The following DACH2 variants were observed in gnomAD, a reference collection of about 807,000 sequenced individuals.
DACH2 encodes the protein dachshund family transcription factor 2, also known as dachshund homolog 2.
In DACH2, 17 loss-of-function variants were observed where a neutral mutation model predicts 35.8. The ratio of observed to expected loss-of-function variants is 0.48; its 90% CI spans 0.33 to 0.71. The LOEUF (loss-of-function observed/expected upper bound fraction) is 0.71, where lower values mean the gene tolerates loss of function less well. Ranked by LOEUF, DACH2 falls within the 30% of genes least tolerant of loss-of-function variation. The pLI is 0.02. For synonymous variants in DACH2, 195 were observed against 177.3 expected, an observed-to-expected ratio of 1.10 and a Z score of -0.79; for missense variants, 469 against 472.7, an observed-to-expected ratio of 0.99 and a Z score of 0.07.
intron 1 of DACH2, among the ~76,000 whole-genome samples, chrX:86,193,620 C>A (rs1418770299): frequency 9.0e-6 from 1 of 111,493 alleles, no homozygotes; most frequent in African/African-American, 3.2e-5. Context: ...GGGCAAATAG[C>A]TGTTTTAGTT....
At chrX:86,309,930 G>T (rs1437584424) in intron 1 of DACH2, among the ~76,000 whole-genome samples, 6 of 112,302 alleles carry the variant, frequency 5.3e-5, no homozygotes, top group Non-Finnish European at 1.1e-4. Flanking sequence ...CAAGTTGTCT[G>T]CCACTTGGCA....
At chrX:86,772,555 T>A (rs1410206729) in intron 7 of DACH2, among the ~76,000 whole-genome samples, 3 of 111,394 alleles carry the variant, frequency 2.7e-5, no homozygotes, top group African/African-American at 9.8e-5. Flanking sequence ...CTAGGAATAG[T>A]GGAGATAGAA....
intron 1 of DACH2, among the ~76,000 whole-genome samples, chrX:86,190,979 A>T (rs5968823): frequency 9.0e-6 from 1 of 111,714 alleles, no homozygotes; most frequent in African/African-American, 3.3e-5. Flanking sequence ...AATAAAAAGC[A>T]GATGCTAGCA....
intron 3 of DACH2, among the ~76,000 whole-genome samples, chrX:86,588,535 C>A (rs996875624): frequency 8.9e-6 from 1 of 111,890 alleles, no homozygotes; most frequent in East Asian, 2.8e-4. Flanking sequence ...TCTCTGATTT[C>A]TTTCAGCAGT....
intron 2 of DACH2, among the ~76,000 whole-genome samples, chrX:86,458,803 G>A (rs2037518664): frequency 9.0e-6 from 1 of 111,321 alleles, no homozygotes; most frequent in Non-Finnish European, 1.9e-5. Context: ...TATGATTTAA[G>A]AGCTTAAGTT....
At chrX:86,157,383 A>T (rs2030583790) in intron 1 of DACH2, among the ~76,000 whole-genome samples, 1 of 111,700 alleles carries the variant, frequency 9.0e-6, no homozygotes, top group Admixed American at 9.6e-5. Flanking sequence ...AAAAGAAAAA[A>T]GTAATATTGA....
At chrX:86,377,817 C>T (rs2035991373) in intron 2 of DACH2, among the ~76,000 whole-genome samples, 1 of 110,381 alleles carries the variant, frequency 9.1e-6, no homozygotes, top group Admixed American at 9.7e-5. Flanking sequence ...TAAAACATCA[C>T]TATGGTGGTG....
chrX:86,699,375 A>G, intron 5 of DACH2, among the ~76,000 whole-genome samples: 1 of 112,259 alleles, frequency 8.9e-6, no homozygotes, highest in Non-Finnish European at 1.9e-5. Context: ...GATTTACTGG[A>G]CTTACACTTC....
At chrX:86,480,331 C>A (rs1050670591) in intron 2 of DACH2, among the ~76,000 whole-genome samples, 2 of 112,082 alleles carry the variant, frequency 1.8e-5, no homozygotes, top group African/African-American at 6.5e-5. Context: ...CAAATGGATT[C>A]TCTGTCTGTT....
At chrX:86,362,074 C>T (rs1174386941) in intron 1 of DACH2, among the ~76,000 whole-genome samples, 2 of 111,053 alleles carry the variant, frequency 1.8e-5, no homozygotes, top group Non-Finnish European at 3.8e-5. Flanking sequence ...GAGATTATAT[C>T]CCAAAAATCC....
At chrX:86,291,419 C>T (rs1289139583) in intron 1 of DACH2, among the ~76,000 whole-genome samples, 1 of 97,997 alleles carries the variant, frequency 1.0e-5, no homozygotes, top group Admixed American at 1.2e-4. Flanking sequence ...CCTTTATTTC[C>T]TTCTCCTGCC....
At chrX:86,184,683 A>G (rs1290918101) in intron 1 of DACH2, among the ~76,000 whole-genome samples, 1 of 111,867 alleles carries the variant, frequency 8.9e-6, no homozygotes, top group African/African-American at 3.2e-5. Flanking sequence ...TATTATTTAC[A>G]CAAAATATTT....
rs34823649 is a variant in DACH2, at chrX:86,262,641, C to CAAAAA, written c.488+113540_488+113544dup. Among the ~76,000 whole-genome samples, 653 of 102,444 alleles carry CAAAAA rather than the reference C, an allele frequency of 6.4e-3. 7 individuals carry two copies. Among genetic ancestry groups the CAAAAA allele is most frequent in the African/African-American group, 0.021 (598 of 28,231 alleles). The allele number at this position is 102,444 out of a possible 115,157, so 89.0% of individuals were successfully genotyped here. On this transcript the variant is annotated intron_variant, in intron 1 of 11. Coordinates refer to ENST00000373125, the MANE Select transcript of DACH2 (RefSeq NM_053281.3). ...ACATTGGTGATAGAATAATCTGCTC[C>CAAAAA]AAAAAAAAAAATGCCATTCATTGTA...
intron 2 of DACH2, among the ~76,000 whole-genome samples, chrX:86,441,122 C>A (rs1257743730): frequency 1.8e-5 from 2 of 111,421 alleles, no homozygotes; most frequent in Non-Finnish European, 3.8e-5. Context: ...TATTTTGATA[C>A]AGGCATATAG....
chrX:86,299,956 C>G (rs1271452872), intron 1 of DACH2, among the ~76,000 whole-genome samples: 1 of 111,360 alleles, frequency 9.0e-6, no homozygotes, highest in Non-Finnish European at 1.9e-5. Context: ...TACATGATAA[C>G]TTTTGTTACA....
intron 4 of DACH2, among the ~76,000 whole-genome samples, chrX:86,685,541 A>T (rs1386092701): frequency 8.9e-6 from 1 of 112,001 alleles, no homozygotes; most frequent in Admixed American, 9.6e-5. Flanking sequence ...CACATGTCAC[A>T]GCTTATAAAT....
intron 2 of DACH2, among the ~76,000 whole-genome samples, chrX:86,488,369 A>G (rs890208859): frequency 1.8e-5 from 2 of 110,864 alleles, no homozygotes; most frequent in African/African-American, 6.5e-5. Context: ...AATTTCCACT[A>G]ACTCTTGTCT....
chrX:86,177,304 G>A (rs763653279), intron 1 of DACH2, among the ~76,000 whole-genome samples: 1 of 111,803 alleles, frequency 8.9e-6, no homozygotes, highest in Non-Finnish European at 1.9e-5. Flanking sequence ...TGCATTCAAA[G>A]TGGCAGAAAC....
Position 86,572,148 on chromosome X carries a change from T to C in DACH2, c.640+57757T>C, listed in dbSNP as rs578194459. 2.0e-3 allele frequency among the ~76,000 whole-genome samples: 224 copies of C among 111,059 alleles called. 1 individual carries two copies. The highest frequency in any genetic ancestry group is 3.0e-3 in the Non-Finnish European group (157 of 52,974). ...TAGGAGATATACCTAATGTAAATTA[T>C]GAGTTAATGGGTGCAGCACACCAAC... On this transcript the variant is annotated intron_variant, in intron 3 of 11. Coordinates refer to ENST00000373125, the MANE Select transcript of DACH2 (RefSeq NM_053281.3).
Sources: allele counts gnomAD v4.1 joint callset (sites outside exome capture counted in the v4.1 genomes callset), GRCh38; gene constraint gnomAD v4.1.1; transcripts MANE v1.5; gene names NCBI Gene and HGNC (gene_info 2026-07-23, HGNC 2026-07-21).